Variants in WDR81 observed in about 807,000 individuals in gnomAD.
WDR81 encodes WD repeat-containing protein 81.
Under a neutral mutation model 140.8 loss-of-function variants are expected in WDR81, and 92 were observed. The observed-to-expected ratio is 0.65, with a 90% CI of 0.55 to 0.78. The LOEUF (loss-of-function observed/expected upper bound fraction) is 0.78. Ranked by LOEUF, WDR81 falls within the 30% of genes least tolerant of loss-of-function variation. The probability of loss-of-function intolerance (pLI) is 0.00; values close to 1 mark genes in which losing one functional copy is unlikely to be tolerated. For missense variants in WDR81, 2,502 were observed against 2,636.4 expected (o/e 0.95, Z 1.12); for synonymous variants, 1,183 against 1,156.4 (o/e 1.02, Z -0.47).
intron 6 of WDR81, 72 bp from the exon 7 acceptor site, chr17:1,733,455 C>G (rs983416800): frequency 1.2e-5 from 18 of 1,449,280 alleles, no homozygotes; most frequent in Non-Finnish European, 1.7e-5. Context: ...CTGTGGCTCC[C>G]GAGTCCTTGG....
chr17:1,735,919 C>T lies in WDR81; in HGVS notation c.5326-120C>T, dbSNP rs999886826. ...GGGGTGGGGTTCTGGGCTTTTCATG[C>T]CCCCTGATGAGGGTCAGAGGCTCAG... On this transcript the variant is annotated intron_variant, in intron 8 of 9. Transcript: ENST00000409644. This position sits in a 1 kb window ranked among gnomAD's most constrained non-coding sequence, Gnocchi z 4.2. 2.6e-5 allele frequency: 37 copies of T among 1,426,760 alleles called. No individual in the cohort carries two copies. Among genetic ancestry groups the T allele is most frequent in the Non-Finnish European group, 3.4e-5 (37 of 1,074,298 alleles). The allele number at this position is 1,426,760 out of a possible 1,614,324, so 88.4% of individuals were successfully genotyped here. A position where few individuals can be genotyped will look rare whatever the true frequency, so the allele number is the denominator to read the frequency against.
chr17:1,729,101 G>C (rs984168201), intron 1 of WDR81, among the ~76,000 whole-genome samples: 1 of 152,230 alleles, frequency 6.6e-6, no homozygotes, highest in African/African-American at 2.4e-5. Context: ...CAGCAGACGA[G>C]ATGCCGCAGT....
intron 9 of WDR81, among the ~76,000 whole-genome samples, chr17:1,736,991 T>G (rs1252205442): frequency 1.3e-5 from 2 of 152,246 alleles, no homozygotes; most frequent in African/African-American, 4.8e-5. Context: ...ATCCCAGCTC[T>G]GCTGCTTGCT....
intron 1 of WDR81, chr17:1,716,765 G>A: frequency 9.7e-7 from 1 of 1,032,720 alleles, no homozygotes; most frequent in South Asian, 1.5e-5. Flanking sequence ...GCCTCTGCGG[G>A]ACGCTATAGC....
chr17:1,723,438 TTTA>T (rs1184364207), upstream of WDR81, among the ~76,000 whole-genome samples: 3 of 137,316 alleles, frequency 2.2e-5, no homozygotes, highest in Admixed American at 7.3e-5. Context: ...TTTATTTGGT[TTTA>T]TTTTTATTTA....
At chr17:1,716,785 A>T in intron 1 of WDR81, 1 of 890,392 alleles carries the variant, frequency 1.1e-6, no homozygotes, top group South Asian at 1.6e-5. Flanking sequence ...CTCTTTAAGG[A>T]AAGGTGGAGC....
rs750146534 is a variant in WDR81 at position 1,735,740 on chromosome 17, A to G, written c.5325+23A>G. 6.3e-7 allele frequency: 1 copy of G among 1,590,870 alleles called. No homozygotes were observed. Among genetic ancestry groups the G allele is most frequent in the East Asian group, 2.3e-5 (1 of 44,300 alleles). Reference sequence around the variant, plus strand: ...CAGGTCAGGGGGGTCCAGTTCCCTGAGCACTCGCCTGGTTCTCTGGGGACC... The same window carrying G: ...CAGGTCAGGGGGGTCCAGTTCCCTGGGCACTCGCCTGGTTCTCTGGGGACC... On this transcript the variant is annotated intron_variant, in intron 8 of 9. Coordinates refer to ENST00000409644, the MANE Select transcript of WDR81 (RefSeq NM_001163809.2). The surrounding 1 kb of genome is among the most constrained non-coding windows in gnomAD (Gnocchi z 4.2).
Position 1,730,373 on chromosome 17 carries a change from C to T in WDR81, c.3668-7C>T. 1 of 1,608,696 alleles carries T rather than the reference C, an allele frequency of 6.2e-7. No homozygotes were observed. The highest frequency in any genetic ancestry group is 8.5e-7 in the Non-Finnish European group (1 of 1,177,672). On this transcript the variant is annotated splice_region_variant and splice_polypyrimidine_tract_variant and intron_variant, in intron 1 of 9. Transcript: ENST00000409644. ...TGAGGAGCTCAGGGCCTGCTCCCAC[C>T]CCGCAGATACAGCCTGCAAGATGGT...
At chr17:1,723,451 A>ATTTATTTGGT (rs1914993434), upstream of WDR81, among the ~76,000 whole-genome samples, 3 of 121,532 alleles carry the variant, frequency 2.5e-5, no homozygotes, top group Admixed American at 8.3e-5. Flanking sequence ...ATTTTTATTT[A>ATTTATTTGGT]TTTATTTTTA....
Position 1,736,040 on chromosome 17 carries a change from A to T in WDR81, c.5327A>T (p.His1776Leu). ...FVDCRKPGLQ[H>L]EFRLGGGLNP... ...AGCTCAGCCGCCCTCTCCCTGCAGC[A>T]CGAGTTCCGACTGGGCGGTGGGCTG... Residue 1776 changes from histidine to leucine, a missense_variant and splice_region_variant, in exon 9 of 10, where the codon CAC (histidine) becomes CTC (leucine). His to Leu is a moderately conservative substitution (Grantham distance 99, BLOSUM62 -3). Transcript: ENST00000409644. 6.3e-7 allele frequency: 1 copy of T among 1,593,988 alleles called. No homozygotes were observed. Among genetic ancestry groups the T allele is most frequent in the African/African-American group, 1.3e-5 (1 of 74,886 alleles).
At chr17:1,729,887 G>A (rs534595026) in intron 1 of WDR81, among the ~76,000 whole-genome samples, 4 of 152,034 alleles carry the variant, frequency 2.6e-5, no homozygotes, top group East Asian at 1.9e-4. Flanking sequence ...GCTTGAACCC[G>A]GAGGTTCAAG....
At chr17:1,717,025 C>A in intron 1 of WDR81, 1 of 316,070 alleles carries the variant, frequency 3.2e-6, no homozygotes, top group Non-Finnish European at 6.0e-6. Flanking sequence ...AGATTCATAG[C>A]ACAGTCCTCA....
In WDR81 at chr17:1,733,591, G is replaced by T; in HGVS notation, c.4554G>T (p.Leu1518Phe). 1 of 1,557,030 alleles carries T rather than the reference G, an allele frequency of 6.4e-7. No homozygotes were observed. Among genetic ancestry groups the T allele is most frequent in the Non-Finnish European group, 8.7e-7 (1 of 1,152,702 alleles). ...ELVGELAALYLESISPSSRNP... is the reference protein window; with the variant it reads ...ELVGELAALYFESISPSSRNP... ...TTGGGGAGCTGGCGGCGCTGTACTT[G>T]GAGAGCATCAGCCCCAGCAGTCGCA... The change falls in exon 7 of 10, where the codon TTG becomes TTT. Residue 1518 changes from leucine (L) to phenylalanine (F), a missense_variant. Leu to Phe is a conservative substitution (Grantham distance 22, BLOSUM62 0). Transcript: ENST00000409644.
At position 1,728,252 on chromosome 17, in the gene WDR81, A is replaced by T. The variant is rs778259214; in HGVS notation, c.3293A>T (p.Gln1098Leu). The change falls in exon 1 of 10, where the codon CAG (glutamine) becomes CTG (leucine). Residue 1098 changes from glutamine (Q) to leucine (L), a missense_variant. Around this residue, in one of 3 missense-constraint regions of WDR81, gnomAD observed 1,737 missense variants for 1,843.0 expected, o/e 0.94. Coordinates refer to ENST00000409644, the MANE Select transcript of WDR81 (RefSeq NM_001163809.2). ...TATGTGACTGAGTCTCCCCAGCCCC[A>T]GGAGGCTGAGGCTGTGAGCCTGGGC... ...GLYVTESPQP[Q>L]EAEAVSLGRL... 1 of 1,611,774 alleles carries T rather than the reference A, an allele frequency of 6.2e-7. No homozygotes were observed.
Position 1,730,404 on chromosome 17 carries a change from G to A in WDR81, c.3692G>A (p.Trp1231Ter). Residue 1231 changes from tryptophan to a stop codon, truncating the protein, a stop_gained, in exon 2 of 10, where the codon TGG becomes TAG. Transcript: ENST00000409644. LOFTEE classifies it high-confidence loss of function. Reference protein sequence around the residue: ...LLDTACKMVRWLSAKLGPTVA... With the variant: ...LLDTACKMVR Reference sequence around the variant, plus strand: ...GATACAGCCTGCAAGATGGTCCGCTGGCTGTCTGCCAAGCTCGGCCCCACA... The same window carrying A: ...GATACAGCCTGCAAGATGGTCCGCTAGCTGTCTGCCAAGCTCGGCCCCACA... 1.2e-6 allele frequency: 2 copies of A among 1,613,062 alleles called. No homozygotes were observed. Among genetic ancestry groups the A allele is most frequent in the Non-Finnish European group, 1.7e-6 (2 of 1,179,892 alleles).
intron 6 of WDR81, 112 bp downstream of exon 6, chr17:1,732,943 G>A (rs1904488996): frequency 7.2e-7 from 1 of 1,380,282 alleles, no homozygotes; most frequent in Non-Finnish European, 9.8e-7. Flanking sequence ...GAGCCAGCAG[G>A]ATGGGTGAGA....
rs1295495730 is a variant in WDR81 at position 1,733,655 on chromosome 17, C to A, written c.4618C>A (p.Pro1540Thr). The change falls in exon 7 of 10, where the codon CCC (proline) becomes ACC (threonine). Residue 1540 changes from proline (P) to threonine (T), a missense_variant. Physicochemically the swap from Pro to Thr is conservative, Grantham distance 38. Around this residue, in one of 3 missense-constraint regions of WDR81, gnomAD observed 1,737 missense variants for 1,843.0 expected, o/e 0.94. Transcript: ENST00000409644. ...SVEPTMPGTG[P>T]EWDPHGGGCP... ...GGAGCCCACCATGCCCGGCACCGGG[C>A]CCGAGTGGGACCCCCATGGTGGGGG... The A allele has an allele frequency of 1.9e-6, 3 of 1,607,162 alleles. No homozygotes were observed. The African/African-American group carries it at 4.0e-5, about 21-fold the overall frequency.
rs939588526 is a variant in WDR81, at chr17:1,738,078, ACT to A, written c.*398_*399del. ...TCTAGCCCCTCAGCCCCCGCTGGGCACTCTCTGTCCCATCCCTCTAGGACAGG... is the reference window on the plus strand; with the variant it reads ...TCTAGCCCCTCAGCCCCCGCTGGGCACTCTGTCCCATCCCTCTAGGACAGG... On this transcript the variant is annotated 3_prime_UTR_variant, in exon 10 of 10. Coordinates refer to ENST00000409644, the MANE Select transcript of WDR81 (RefSeq NM_001163809.2). The A allele has an allele frequency of 4.8e-5, 14 of 289,070 alleles. No individual in the cohort carries two copies. The highest frequency in any genetic ancestry group is 1.2e-3 in the Middle Eastern group (1 of 860). The allele number at this position is 289,070 out of a possible 1,614,324, so 17.9% of individuals were successfully genotyped here.
chr17:1,724,945 G>A lies in WDR81; in HGVS notation c.-15G>A. 7.2e-7 allele frequency: 1 copy of A among 1,390,666 alleles called. No individual in the cohort carries two copies. Among genetic ancestry groups the A allele is most frequent in the Non-Finnish European group, 9.3e-7 (1 of 1,077,228 alleles). 86.1% of individuals were successfully genotyped at this position (1,390,666 alleles called of 1,614,324 possible). A position where few individuals can be genotyped will look rare whatever the true frequency, so the allele number is the denominator to read the frequency against. On this transcript the variant is annotated 5_prime_UTR_variant, in exon 1 of 10. Transcript: ENST00000409644. ...TGGGCTCAGCCCCGCGCTGCCCCCG[G>A]GCGGCCTGGAGGAGATGGCCCAGGG... is the stretch of plus-strand genomic sequence containing the variant.
Sources: gnomAD v4.1 joint callset for allele counts (sites outside exome capture counted in the v4.1 genomes callset) on GRCh38, gnomAD v4.1.1 for gene constraint, gnomAD v4.1.1 regional missense constraint, Gnocchi (gnomAD v3.1) non-coding constraint, MANE v1.5 for transcripts, NCBI Gene and HGNC (gene_info 2026-07-23, HGNC 2026-07-21) for gene names.